Variants in NR6A1 observed in about 807,000 individuals in gnomAD.
NR6A1 encodes nuclear receptor subfamily 6 group A member 1, also known as retinoic acid receptor-related testis-associated receptor.
A neutral mutation model predicts 59.1 loss-of-function variants in NR6A1; 7 were observed. That is an observed-to-expected ratio of 0.12 (90% CI 0.07 to 0.22). The LOEUF (loss-of-function observed/expected upper bound fraction) is 0.22, where lower values mean the gene tolerates loss of function less well. Among genes scored for constraint, NR6A1 ranks in the 10% least tolerant of loss-of-function variants. NR6A1 has a pLI of 1.00. For synonymous variants in NR6A1, 243 were observed against 236.1 expected, an observed-to-expected ratio of 1.03 and a Z score of -0.27; for missense variants, 468 against 611.6, an observed-to-expected ratio of 0.77 and a Z score of 2.48.
chr9:124,601,238 T>C (rs1295218085), intron 2 of NR6A1, among the ~76,000 whole-genome samples: 1 of 151,840 alleles, frequency 6.6e-6, no homozygotes. Flanking sequence ...ATCACGCCAC[T>C]GCACTCTAAC....
intron 7 of NR6A1, among the ~76,000 whole-genome samples, chr9:124,527,905 G>T (rs1160548666): frequency 6.6e-6 from 1 of 152,230 alleles, no homozygotes; most frequent in Non-Finnish European, 1.5e-5. Context: ...CAGGAAGCAG[G>T]AGTTTATAAA....
At chr9:124,648,516 G>A (rs1837002481) in intron 2 of NR6A1, among the ~76,000 whole-genome samples, 1 of 152,218 alleles carries the variant, frequency 6.6e-6, no homozygotes, top group East Asian at 1.9e-4. Flanking sequence ...TACTGGATGG[G>A]GGTAAACTGA....
intron 2 of NR6A1, among the ~76,000 whole-genome samples, chr9:124,630,960 A>C (rs562423205): frequency 6.6e-6 from 1 of 152,252 alleles, no homozygotes; most frequent in Admixed American, 6.5e-5. Context: ...GGCGTGAGCC[A>C]CTATGCCGGG....
At position 124,771,053 on chromosome 9, in the gene NR6A1, G is replaced by A. The variant is rs1383565855; in HGVS notation, c.67C>T (p.Pro23Ser). The change falls in exon 1 of 10, where the codon CCT (proline) becomes TCT (serine). Residue 23 changes from proline to serine, a missense_variant. This residue lies in a region of NR6A1 where 75 missense variants were observed against 65.6 expected (regional missense o/e 1.14). Coordinates refer to ENST00000487099, the MANE Select transcript of NR6A1 (RefSeq NM_033334.4). ...GGCGGCGGAGGGAGCGCGGCGGGAG[G>A]CTCCAGGAACCCCGCCGAGCCCCCG... ...GGGGSAGFLEPPAALPPPPRN... is the reference protein window; with the variant it reads ...GGGGSAGFLESPAALPPPPRN... 7 of 1,230,622 alleles carry A rather than the reference G, an allele frequency of 5.7e-6. No homozygotes were observed. In the African/African-American group the frequency reaches 9.3e-5, roughly 16 times the overall value. 76.2% of individuals were successfully genotyped at this position (1,230,622 alleles called of 1,614,324 possible).
intron 9 of NR6A1, among the ~76,000 whole-genome samples, chr9:124,524,134 ATTT>A (rs1324393717): frequency 2.6e-5 from 4 of 152,062 alleles, no homozygotes; most frequent in Admixed American, 2.6e-4. Flanking sequence ...CTTATTTTAA[ATTT>A]TTTAGAGATG....
chr9:124,531,417 C>T (rs963506509), intron 7 of NR6A1, among the ~76,000 whole-genome samples: 1 of 152,198 alleles, frequency 6.6e-6, no homozygotes, highest in Non-Finnish European at 1.5e-5. Context: ...CATGTATCAT[C>T]TGGGAAAAGC....
At chr9:124,578,922 G>A (rs1834683577) in intron 2 of NR6A1, among the ~76,000 whole-genome samples, 1 of 152,094 alleles carries the variant, frequency 6.6e-6, no homozygotes, top group African/African-American at 2.4e-5. Flanking sequence ...AGGATTATAG[G>A]GGACTAGATC....
chr9:124,660,540 GCA>G (rs1837398743), intron 2 of NR6A1, among the ~76,000 whole-genome samples: 1 of 150,844 alleles, frequency 6.6e-6, no homozygotes, highest in East Asian at 2.0e-4. Flanking sequence ...CGATTTGTTA[GCA>G]CAGAGTCACA....
chr9:124,577,118 C>A (rs1024441685), intron 2 of NR6A1, among the ~76,000 whole-genome samples: 2 of 152,120 alleles, frequency 1.3e-5, no homozygotes, highest in Admixed American at 6.5e-5. Context: ...ATTTCTCCAG[C>A]CAGGGGCCGT....
intron 1 of NR6A1, among the ~76,000 whole-genome samples, chr9:124,747,183 C>G (rs1482098741): frequency 7.2e-6 from 1 of 138,990 alleles, no homozygotes; most frequent in South Asian, 2.3e-4. Context: ...CAGACCTTGT[C>G]TGACTTTTTT....
At chr9:124,694,069 AATC>A (rs1407728634) in intron 2 of NR6A1, among the ~76,000 whole-genome samples, 12 of 152,238 alleles carry the variant, frequency 7.9e-5, no homozygotes, top group Non-Finnish European at 1.6e-4. Flanking sequence ...TTCTAAACAG[AATC>A]ATATGCTTAT....
At chr9:124,546,192 A>G (rs1833596755) in intron 3 of NR6A1, among the ~76,000 whole-genome samples, 1 of 152,220 alleles carries the variant, frequency 6.6e-6, no homozygotes, top group Admixed American at 6.5e-5. Context: ...ACTATGTGTT[A>G]CATACTGTTC....
chr9:124,550,209 T>A (rs967601719), intron 3 of NR6A1, among the ~76,000 whole-genome samples: 1 of 152,198 alleles, frequency 6.6e-6, no homozygotes, highest in Non-Finnish European at 1.5e-5. Flanking sequence ...GCTAAAGTTA[T>A]GTCTGTCAGA....
chr9:124,723,433 CAA>C (rs1425947486), intron 2 of NR6A1, among the ~76,000 whole-genome samples: 1 of 152,174 alleles, frequency 6.6e-6, no homozygotes, highest in Non-Finnish European at 1.5e-5. Flanking sequence ...AAGTCCCGAC[CAA>C]AAGAGTCAGC....
intron 2 of NR6A1, among the ~76,000 whole-genome samples, chr9:124,559,545 G>A (rs992516112): frequency 1.8e-4 from 28 of 152,198 alleles, no homozygotes; most frequent in African/African-American, 6.3e-4. Context: ...GGAGGCCAAG[G>A]AGGGTAGATC....
rs531400149 is a variant in NR6A1, at chr9:124,657,835, A to G, written c.142+75473T>C. The stretch of plus-strand genomic sequence containing the variant: ...AAGACATAAAGCTTCTTCCTCATAC[A>G]TCCAAACACTCCAGAATCTAAAACT... On this transcript the variant is annotated intron_variant, in intron 2 of 9. Coordinates refer to ENST00000487099, the MANE Select transcript of NR6A1 (RefSeq NM_033334.4). Among the ~76,000 whole-genome samples, 93 of 152,184 alleles carry G rather than the reference A, an allele frequency of 6.1e-4. 1 individual carries two copies. The South Asian group carries it at 0.018, about 30-fold the overall frequency.
chr9:124,771,288 TCCGCG>T lies in NR6A1; in HGVS notation c.-174_-170del. On this transcript the variant is annotated 5_prime_UTR_variant, in exon 1 of 10. Transcript: ENST00000487099. ...CCGGCTCCGCGCCGCTCCGCGCCCC[TCCGCG>T]CCGCGCCCCCTCAGCACTGGCCAGC... 1 of 392,108 alleles carries T rather than the reference TCCGCG, an allele frequency of 2.6e-6. No individual in the cohort carries two copies. The allele number at this position is 392,108 out of a possible 1,614,324, so 24.3% of individuals were successfully genotyped here.
At chr9:124,523,548 G>A (rs551260572) in intron 9 of NR6A1, among the ~76,000 whole-genome samples, 1 of 150,826 alleles carries the variant, frequency 6.6e-6, no homozygotes, top group East Asian at 1.9e-4. Context: ...TTTTCCAGGT[G>A]ATTGGAAGTG....
chr9:124,540,078 G>T lies in NR6A1; in HGVS notation c.551C>A (p.Ala184Asp). The T allele has an allele frequency of 4.3e-6, 7 of 1,612,484 alleles. No homozygotes were observed. The highest frequency in any genetic ancestry group is 5.9e-6 in the Non-Finnish European group (7 of 1,179,758). ...DSDHSSPGNR[A>D]SESNQPSPGS... ...TGGTGAGGGCTGGTTGCTCTCCGAA[G>T]CCCTGTTCCCAGGGGAACTGTGGTC... Residue 184 changes from alanine to aspartate, a missense_variant, in exon 5 of 10, where the codon GCT becomes GAT. Coordinates refer to ENST00000487099, the MANE Select transcript of NR6A1 (RefSeq NM_033334.4).
Sources: allele counts gnomAD v4.1 joint callset (sites outside exome capture counted in the v4.1 genomes callset), GRCh38; gene constraint gnomAD v4.1.1; regional missense constraint gnomAD v4.1.1; transcripts MANE v1.5; gene names NCBI Gene and HGNC (gene_info 2026-07-23, HGNC 2026-07-21).